The following ITGB6 variants were observed in gnomAD, a reference collection of about 807,000 sequenced individuals.
ITGB6 encodes integrin beta-6.
A neutral mutation model predicts 84.5 loss-of-function variants in ITGB6; 80 were observed. The ratio of observed to expected loss-of-function variants is 0.95; its 90% CI spans 0.79 to 1.14. ITGB6 has a LOEUF of 1.14. ITGB6 is among the 50% of genes most tolerant of loss of function. The pLI is 0.00. For missense variants in ITGB6, 1,006 were observed against 968.0 expected, an observed-to-expected ratio of 1.04 and a Z score of -0.52; for synonymous variants, 383 against 354.9, an observed-to-expected ratio of 1.08 and a Z score of -0.89.
Position 160,172,639 on chromosome 2 carries a change from C to A in ITGB6, c.851G>T (p.Gly284Val), listed in dbSNP as rs547560489. ...GAGCCCGTCATTAGGAATGACGATG[C>A]CTGCTAGTTTGCTGTCCATTCCAAA... Reference protein sequence around the residue: ...SHFGMDSKLAGIVIPNDGLCH... With the variant: ...SHFGMDSKLAVIVIPNDGLCH... The change falls in exon 6 of 15, where the codon GGC (glycine) becomes GTC (valine). Residue 284 changes from glycine (G) to valine (V), a missense_variant. Physicochemically the swap from Gly to Val is moderately radical, Grantham distance 109 (BLOSUM62 -3). Transcript: ENST00000283249. 3.1e-6 allele frequency: 5 copies of A among 1,612,258 alleles called. No homozygotes were observed. Among genetic ancestry groups the A allele is most frequent in the Non-Finnish European group, 3.4e-6 (4 of 1,178,448 alleles).
chr2:160,185,641 T>C (rs1312185550), intron 4 of ITGB6, among the ~76,000 whole-genome samples: 1 of 152,094 alleles, frequency 6.6e-6, no homozygotes, highest in African/African-American at 2.4e-5. Flanking sequence ...TCATATGGAA[T>C]CAAAAAGGAG....
chr2:160,176,858 T>A (rs1378344090), intron 4 of ITGB6, among the ~76,000 whole-genome samples: 1 of 152,270 alleles, frequency 6.6e-6, no homozygotes, highest in Admixed American at 6.5e-5. Context: ...GTGAGATGAA[T>A]CATAGTTTAT....
At chr2:160,185,125 G>A (rs1212261738) in intron 4 of ITGB6, among the ~76,000 whole-genome samples, 3 of 152,102 alleles carry the variant, frequency 2.0e-5, no homozygotes, top group African/African-American at 7.2e-5. Flanking sequence ...GGAAGTTTTG[G>A]CCAGGGCAAT....
chr2:160,138,199 C>T lies in ITGB6; in HGVS notation c.1108G>A (p.Glu370Lys), dbSNP rs1683843110. The change falls in exon 9 of 15, where the codon GAA (glutamate) becomes AAA (lysine). Residue 370 changes from glutamate (E) to lysine (K), a missense_variant and splice_region_variant. By Grantham distance (56) the Glu-to-Lys change is moderately conservative. Transcript: ENST00000283249. ...TCCAGTTCCACCTCAGACCGCAGTTCCTTTAGTTACAACATAAAGAGTTCA... is the reference window on the plus strand; with the variant it reads ...TCCAGTTCCACCTCAGACCGCAGTTTCTTTAGTTACAACATAAAGAGTTCA... ...ILQLIISAYE[E>K]LRSEVELEVL... 1 of 1,603,056 alleles carries T rather than the reference C, an allele frequency of 6.2e-7. No individual in the cohort carries two copies. The highest frequency in any genetic ancestry group is 1.7e-4 in the Middle Eastern group (1 of 5,980).
At chr2:160,140,859 A>G (rs1269971630) in intron 8 of ITGB6, among the ~76,000 whole-genome samples, 2 of 152,148 alleles carry the variant, frequency 1.3e-5, no homozygotes, top group Admixed American at 6.5e-5. Flanking sequence ...CCTTCAGGGG[A>G]GTTTCAAAAT....
intron 7 of ITGB6, among the ~76,000 whole-genome samples, chr2:160,165,669 T>C (rs1396720248): frequency 6.6e-6 from 1 of 152,226 alleles, no homozygotes; most frequent in Non-Finnish European, 1.5e-5. Flanking sequence ...GCTTATAGCA[T>C]ATGCGGCTGC....
Position 160,200,219 on chromosome 2 carries a change from G to A in ITGB6, c.-156C>T. 2 of 601,488 alleles carry A rather than the reference G, an allele frequency of 3.3e-6. No homozygotes were observed. Among genetic ancestry groups the A allele is most frequent in the Non-Finnish European group, 5.7e-6 (2 of 351,416 alleles). 37.3% of individuals were successfully genotyped at this position (601,488 alleles called of 1,614,324 possible). ...GAAAAGAAACTTGAGATATAAGTTA[G>A]AAAGTTTTCATTAAGACTGAAATGA... On this transcript the variant is annotated 5_prime_UTR_variant, in exon 1 of 15. Coordinates refer to ENST00000283249, the MANE Select transcript of ITGB6 (RefSeq NM_000888.5).
intron 4 of ITGB6, among the ~76,000 whole-genome samples, chr2:160,181,011 C>A (rs375758676): frequency 6.6e-6 from 1 of 152,286 alleles, no homozygotes; most frequent in South Asian, 2.1e-4. Context: ...GAGATTCCCT[C>A]GGGTGCCTAT....
intron 2 of ITGB6, among the ~76,000 whole-genome samples, chr2:160,197,957 G>A (rs947719705): frequency 1.3e-5 from 2 of 152,130 alleles, no homozygotes; most frequent in Non-Finnish European, 2.9e-5. Flanking sequence ...GAATAATTTG[G>A]TTTTACAATT....
intron 4 of ITGB6, among the ~76,000 whole-genome samples, chr2:160,175,949 G>A (rs998016413): frequency 2.0e-5 from 3 of 152,330 alleles, no homozygotes; most frequent in Admixed American, 2.0e-4. Context: ...TGTGTGTACA[G>A]ATAGATCAGA....
intron 4 of ITGB6, among the ~76,000 whole-genome samples, chr2:160,193,495 T>C (rs1396742137): frequency 6.6e-6 from 1 of 152,182 alleles, no homozygotes; most frequent in Non-Finnish European, 1.5e-5. Flanking sequence ...TAACGTGAAA[T>C]TTCTGAGGTG....
chr2:160,155,081 T>C (rs891154392), intron 7 of ITGB6, among the ~76,000 whole-genome samples: 2 of 152,250 alleles, frequency 1.3e-5, no homozygotes, highest in Admixed American at 6.5e-5. Context: ...TGTTCTTCCA[T>C]GACTGTAAGT....
intron 4 of ITGB6, among the ~76,000 whole-genome samples, chr2:160,189,491 T>C (rs938640568): frequency 6.6e-6 from 1 of 152,062 alleles, no homozygotes; most frequent in South Asian, 2.1e-4. Flanking sequence ...TACAATGAAC[T>C]CAAACAAATT....
intron 10 of ITGB6, among the ~76,000 whole-genome samples, chr2:160,132,956 T>A (rs965283154): frequency 2.0e-5 from 3 of 152,144 alleles, no homozygotes; most frequent in African/African-American, 4.8e-5. Flanking sequence ...CTAGTATGTG[T>A]CATATAGTAG....
At chr2:160,185,793 A>G (rs1209588316) in intron 4 of ITGB6, among the ~76,000 whole-genome samples, 1 of 152,226 alleles carries the variant, frequency 6.6e-6, no homozygotes, top group East Asian at 1.9e-4. Context: ...AATGGAACAG[A>G]ACAGAGGCCT....
In ITGB6 at chr2:160,101,058, G is replaced by T. The variant is rs1696699777; in HGVS notation, c.*678C>A. 1 of 152,026 alleles carries T rather than the reference G, an allele frequency of 6.6e-6. No individual in the cohort carries two copies. Among genetic ancestry groups the T allele is most frequent in the Non-Finnish European group, 1.5e-5 (1 of 68,010 alleles). The allele number at this position is 152,026 out of a possible 1,614,324, so 9.4% of individuals were successfully genotyped here. Reference sequence around the variant, plus strand: ...ATTTAAAAATAAGCTATATGATAGGGTTGTTATCTTTTTATTTTTATAGGT... The same window carrying T: ...ATTTAAAAATAAGCTATATGATAGGTTTGTTATCTTTTTATTTTTATAGGT... On this transcript the variant is annotated 3_prime_UTR_variant, in exon 15 of 15. Coordinates refer to ENST00000283249, the MANE Select transcript of ITGB6 (RefSeq NM_000888.5).
intron 2 of ITGB6, 103 bp downstream of exon 2, chr2:160,199,076 A>G: frequency 1.1e-6 from 1 of 888,788 alleles, no homozygotes. Flanking sequence ...TACTTATACA[A>G]CTCCACAAAA....
chr2:160,116,491 C>T (rs187922327), intron 12 of ITGB6, among the ~76,000 whole-genome samples: 4,075 of 152,178 alleles, frequency 0.027, 73 homozygotes, highest in South Asian at 0.076. Context: ...CCAGGCCTAC[C>T]CTAAAAGAGC....
intron 6 of ITGB6, among the ~76,000 whole-genome samples, chr2:160,171,429 G>C (rs542432621): frequency 6.6e-6 from 1 of 151,390 alleles, no homozygotes; most frequent in African/African-American, 2.4e-5. Flanking sequence ...GCGCCTCCTG[G>C]GTTCACACCA....
Sources: gnomAD v4.1 joint callset for allele counts (sites outside exome capture counted in the v4.1 genomes callset) on GRCh38, gnomAD v4.1.1 for gene constraint, MANE v1.5 for transcripts, NCBI Gene and HGNC (gene_info 2026-07-23, HGNC 2026-07-21) for gene names.